PI15: variants seen among roughly 807,000 people sequenced by gnomAD.
PI15 encodes the protein peptidase inhibitor 15.
Under a neutral mutation model 31.0 loss-of-function variants are expected in PI15, and 18 were observed. That is an observed-to-expected ratio of 0.58 (90% CI 0.40 to 0.86). The LOEUF (loss-of-function observed/expected upper bound fraction) is 0.86, where lower values mean the gene tolerates loss of function less well. Among genes scored for constraint, PI15 ranks in the 40% least tolerant of loss-of-function variants. The pLI is 0.00. For missense variants in PI15, 282 were observed against 328.1 expected (o/e 0.86, Z 1.09); for synonymous variants, 118 against 119.1 (o/e 0.99, Z 0.06).
chr8:74,825,616 T>C (rs755027266), intron 2 of PI15, 94 bp downstream of exon 2: 177 of 998,652 alleles, frequency 1.8e-4, no homozygotes, highest in Middle Eastern at 7.4e-4. Flanking sequence ...AGTGTTTATA[T>C]GTCCGGGTAT....
At chr8:74,834,956 G>A (rs1479516082) in intron 2 of PI15, among the ~76,000 whole-genome samples, 1 of 152,102 alleles carries the variant, frequency 6.6e-6, no homozygotes. Flanking sequence ...AAATGCAGAC[G>A]ATGTTGTTAT....
At chr8:74,840,276 C>T (rs1810927520) in intron 2 of PI15, among the ~76,000 whole-genome samples, 1 of 152,148 alleles carries the variant, frequency 6.6e-6, no homozygotes. Context: ...GAAATATACA[C>T]TAGATTATCG....
chr8:74,845,418 A>G lies in PI15; in HGVS notation c.562A>G (p.Ile188Val). Residue 188 changes from isoleucine (I) to valine (V), a missense_variant, in exon 5 of 6, where the codon ATT (isoleucine) becomes GTT (valine). Physicochemically the swap from Ile to Val is conservative, Grantham distance 29 (BLOSUM62 3). Transcript: ENST00000260113. ...WATSNRIGCA[I>V]HTCQNMNVWG... ...CACTTCCAATCGGATAGGATGCGCA[A>G]TTCATACTTGCCAAAACATGAATGT... The G allele has an allele frequency of 6.2e-7, 1 of 1,614,130 alleles. No homozygotes were observed. The highest frequency in any genetic ancestry group is 8.5e-7 in the Non-Finnish European group (1 of 1,179,972).
chr8:74,838,040 C>T (rs943531147), intron 2 of PI15, among the ~76,000 whole-genome samples: 4 of 151,820 alleles, frequency 2.6e-5, no homozygotes, highest in African/African-American at 9.7e-5. Context: ...ATGTTTGTTA[C>T]CACTTGCAAA....
rs184972829 is a variant in PI15, at chr8:74,843,114, A to C, written c.274-867A>C. ...AATTTTGGTAAAATCAGTTTGAATA[A>C]ATTAGATAATCTTTGTTTCTTAAAA... On this transcript the variant is annotated intron_variant, in intron 2 of 5. Coordinates refer to ENST00000260113, the MANE Select transcript of PI15 (RefSeq NM_015886.5). Among the ~76,000 whole-genome samples, 4 of 152,282 alleles carry C rather than the reference A, an allele frequency of 2.6e-5. No homozygotes were observed. The East Asian group carries it at 7.7e-4, about 29-fold the overall frequency.
At chr8:74,846,125 C>A (rs1399410394) in intron 5 of PI15, among the ~76,000 whole-genome samples, 1 of 152,116 alleles carries the variant, frequency 6.6e-6, no homozygotes, top group East Asian at 1.9e-4. Flanking sequence ...CAATTCTGTT[C>A]CCATTTGGAA....
intron 2 of PI15, 129 bp downstream of exon 2, chr8:74,825,651 T>G: frequency 1.4e-6 from 1 of 722,252 alleles, no homozygotes; most frequent in South Asian, 1.9e-5. Flanking sequence ...TATTTTAACC[T>G]AAGGTTCTTA....
intron 2 of PI15, among the ~76,000 whole-genome samples, chr8:74,841,525 T>G (rs997922898): frequency 6.6e-6 from 1 of 152,212 alleles, no homozygotes; most frequent in Admixed American, 6.5e-5. Flanking sequence ...TGCTAATATT[T>G]TAGCGTAAGA....
Position 74,845,163 on chromosome 8 carries a change from A to G in PI15, c.428A>G (p.Tyr143Cys). The part of the protein sequence containing the change: ...RSILQLVKPW[Y>C]DEVKDYAFPY... The stretch of plus-strand genomic sequence containing the variant: ...ATTCTCCAGTTGGTCAAGCCATGGT[A>G]TGATGAAGTGAAAGATTATGCTTTT... Residue 143 changes from tyrosine to cysteine, a missense_variant, in exon 4 of 6, where the codon TAT becomes TGT. Tyr to Cys is a radical substitution (Grantham distance 194). Coordinates refer to ENST00000260113, the MANE Select transcript of PI15 (RefSeq NM_015886.5). The G allele has an allele frequency of 6.2e-7, 1 of 1,612,666 alleles. No individual in the cohort carries two copies. Among genetic ancestry groups the G allele is most frequent in the South Asian group, 1.1e-5 (1 of 91,036 alleles).
chr8:74,828,275 C>T (rs1218015810), intron 2 of PI15, among the ~76,000 whole-genome samples: 1 of 152,110 alleles, frequency 6.6e-6, no homozygotes, highest in Non-Finnish European at 1.5e-5. Context: ...GAGTGAGCCA[C>T]TCTCAAAGGT....
Position 74,853,007 on chromosome 8 carries a change from ATTAT to A in PI15, c.*3759_*3762del, listed in dbSNP as rs1448277080. 3.3e-5 allele frequency: 5 copies of A among 152,442 alleles called. No homozygotes were observed. Among genetic ancestry groups the A allele is most frequent in the East Asian group, 1.9e-4 (1 of 5,188 alleles). The allele number at this position is 152,442 out of a possible 1,614,324, so 9.4% of individuals were successfully genotyped here. A position where few individuals can be genotyped will look rare whatever the true frequency, so the allele number is the denominator to read the frequency against. Reference sequence around the variant, plus strand: ...CTTTTATGTTTCATAAAAATTTGTCATTATTTATGCTGGTGAAACGTATAATCAC... The same window carrying A: ...CTTTTATGTTTCATAAAAATTTGTCATTATGCTGGTGAAACGTATAATCAC... On this transcript the variant is annotated 3_prime_UTR_variant, in exon 6 of 6. Transcript: ENST00000260113.
At chr8:74,843,282 T>TA (rs1406389260) in intron 2 of PI15, among the ~76,000 whole-genome samples, 10 of 152,218 alleles carry the variant, frequency 6.6e-5, no homozygotes, top group African/African-American at 2.4e-4. Flanking sequence ...ACCTTTTCTT[T>TA]ACTAAAACTG....
intron 5 of PI15, among the ~76,000 whole-genome samples, chr8:74,846,464 C>T (rs187853884): frequency 6.6e-6 from 1 of 152,084 alleles, no homozygotes; most frequent in Non-Finnish European, 1.5e-5. Flanking sequence ...TCCTATGAAG[C>T]CTTTACCCTT....
chr8:74,852,785 A>T lies in PI15; in HGVS notation c.*3532A>T, dbSNP rs1811125939. 6.6e-6 allele frequency: 1 copy of T among 152,120 alleles called. No homozygotes were observed. The highest frequency in any genetic ancestry group is 2.1e-4 in the South Asian group (1 of 4,834). 9.4% of individuals were successfully genotyped at this position (152,120 alleles called of 1,614,324 possible). ...TGCCATGCTTATCAAATACATGCAC[A>T]AGCTAAACATAATTTGAATGGGTCT... On this transcript the variant is annotated 3_prime_UTR_variant, in exon 6 of 6. Transcript: ENST00000260113.
chr8:74,848,730 T>TGGAGAG (rs1554584375), intron 5 of PI15, among the ~76,000 whole-genome samples: 1 of 140,402 alleles, frequency 7.1e-6, no homozygotes, highest in African/African-American at 2.7e-5. Flanking sequence ...TATATATATA[T>TGGAGAG]ATAGAGAGAG....
chr8:74,832,826 G>T (rs960379241), intron 2 of PI15, among the ~76,000 whole-genome samples: 1 of 152,028 alleles, frequency 6.6e-6, no homozygotes, highest in African/African-American at 2.4e-5. Context: ...CCAACACGTT[G>T]CCCAACAAGA....
chr8:74,849,206 C>CTG lies in PI15; in HGVS notation c.734_735dup (p.Phe246ValfsTer55), dbSNP rs764727741. ...TTATGGGGGATCTTGTACTGACAAT[C>CTG]TGTGTTTTCCAGGAGTTACGTCAAA... is the stretch of plus-strand genomic sequence containing the variant. On this transcript the variant is annotated frameshift_variant, in exon 6 of 6. Coordinates refer to ENST00000260113, the MANE Select transcript of PI15 (RefSeq NM_015886.5). LOFTEE classifies it high-confidence loss of function. The CTG allele has an allele frequency of 1.9e-6, 3 of 1,612,554 alleles. No individual in the cohort carries two copies. In the South Asian group the frequency reaches 3.3e-5, roughly 18 times the overall value.
chr8:74,851,573 G>T lies in PI15; in HGVS notation c.*2320G>T, dbSNP rs1384805265. ...TGAGATTAAATTAAATTTTTCATGAGCCCCTCTTTGGCAGGAACTCTGTTT... is the reference window on the plus strand; with the variant it reads ...TGAGATTAAATTAAATTTTTCATGATCCCCTCTTTGGCAGGAACTCTGTTT... On this transcript the variant is annotated 3_prime_UTR_variant, in exon 6 of 6. Coordinates refer to ENST00000260113, the MANE Select transcript of PI15 (RefSeq NM_015886.5). The T allele has an allele frequency of 6.6e-6, 1 of 151,830 alleles. No individual in the cohort carries two copies. Among genetic ancestry groups the T allele is most frequent in the Admixed American group, 6.6e-5 (1 of 15,230 alleles). The allele number at this position is 151,830 out of a possible 1,614,324, so 9.4% of individuals were successfully genotyped here. A position where few individuals can be genotyped will look rare whatever the true frequency, so the allele number is the denominator to read the frequency against.
At chr8:74,833,169 CAATT>C (rs1183807363) in intron 2 of PI15, among the ~76,000 whole-genome samples, 1 of 151,938 alleles carries the variant, frequency 6.6e-6, no homozygotes, top group South Asian at 2.1e-4. Context: ...TTGGTGAAAA[CAATT>C]AAACACATGT....
Sources: gnomAD v4.1 joint callset for allele counts (sites outside exome capture counted in the v4.1 genomes callset) on GRCh38, gnomAD v4.1.1 for gene constraint, MANE v1.5 for transcripts, NCBI Gene and HGNC (gene_info 2026-07-23, HGNC 2026-07-21) for gene names.